Variants in DPH6 observed in about 807,000 individuals in gnomAD.
DPH6 encodes the protein diphthamine biosynthesis 6.
Under a neutral mutation model 38.2 loss-of-function variants are expected in DPH6, and 33 were observed. The ratio of observed to expected loss-of-function variants is 0.86; its 90% CI spans 0.65 to 1.15. The LOEUF is 1.15. DPH6 is among the 50% of genes most tolerant of loss of function. DPH6 has a pLI of 0.00. For synonymous variants in DPH6, 108 were observed against 103.0 expected (o/e 1.05, Z -0.30); for missense variants, 325 against 320.0 (o/e 1.02, Z -0.12).
At chr15:35,217,107 T>A (rs888041103), downstream of DPH6, among the ~76,000 whole-genome samples, 3 of 152,174 alleles carry the variant, frequency 2.0e-5, no homozygotes, top group African/African-American at 7.2e-5. Flanking sequence ...TAATGTTAAG[T>A]AGAGGAGGAC....
chr15:35,368,676 A>C (rs1050084877), downstream of DPH6, among the ~76,000 whole-genome samples: 1 of 151,926 alleles, frequency 6.6e-6, no homozygotes, highest in Non-Finnish European at 1.5e-5. Flanking sequence ...AAATGAGAGG[A>C]TAGCTTAAGA....
chr15:35,166,374 C>A, the DPH6 span, among the ~76,000 whole-genome samples: 2 of 151,918 alleles, frequency 1.3e-5, no homozygotes, highest in Non-Finnish European at 2.9e-5. Flanking sequence ...TCAGATATAA[C>A]CATTTCTTTG....
At chr15:35,447,927 T>C (rs962637028) in intron 5 of DPH6, among the ~76,000 whole-genome samples, 8 of 152,186 alleles carry the variant, frequency 5.3e-5, no homozygotes, top group African/African-American at 1.9e-4. Flanking sequence ...TTTCCTTTCA[T>C]AGTCAATGTT....
At chr15:35,457,929 G>C (rs902329086) in intron 3 of DPH6, among the ~76,000 whole-genome samples, 2 of 151,704 alleles carry the variant, frequency 1.3e-5, no homozygotes, top group African/African-American at 4.8e-5. Context: ...ATTATCAGTG[G>C]GGGATTGTTT....
chr15:35,520,273 C>T (rs1369376783), intron 3 of DPH6: 3 of 957,522 alleles, frequency 3.1e-6, no homozygotes, highest in Non-Finnish European at 3.7e-6. Context: ...GAAATCCTCG[C>T]CTATTTTAAG....
At chr15:35,404,178 C>G (rs546667524) in intron 6 of DPH6, among the ~76,000 whole-genome samples, 1 of 152,236 alleles carries the variant, frequency 6.6e-6, no homozygotes, top group East Asian at 1.9e-4. Context: ...AACAGTGTTG[C>G]AACAAACATG....
chr15:35,464,829 CAT>C lies in DPH6; in HGVS notation c.313-10011_313-10010del, dbSNP rs557574676. ...CACTAAAGTGTCAAGAACATACACACATGAGGATGGAAATGGACTTCTACTAT... is the reference window on the plus strand; with the variant it reads ...CACTAAAGTGTCAAGAACATACACACGAGGATGGAAATGGACTTCTACTAT... On this transcript the variant is annotated intron_variant, in intron 3 of 8. Coordinates refer to ENST00000256538, the MANE Select transcript of DPH6 (RefSeq NM_080650.4). Among the ~76,000 whole-genome samples, 760 of 152,300 alleles carry C rather than the reference CAT, an allele frequency of 5.0e-3. 8 individuals carry two copies. Among genetic ancestry groups the C allele is most frequent in the African/African-American group, 0.018 (731 of 41,576 alleles).
chr15:35,482,480 ATAG>A (rs992740018), intron 3 of DPH6, among the ~76,000 whole-genome samples: 2 of 152,202 alleles, frequency 1.3e-5, no homozygotes, highest in Non-Finnish European at 2.9e-5. Context: ...AATAATAAAA[ATAG>A]TAGTACTGAA....
chr15:35,440,740 G>C (rs1659014684), intron 5 of DPH6, among the ~76,000 whole-genome samples: 1 of 152,172 alleles, frequency 6.6e-6, no homozygotes, highest in African/African-American at 2.4e-5. Flanking sequence ...AGAATGGGGA[G>C]GAGCCACCAG....
chr15:35,248,689 G>A (rs183364959), intron 3 of DPH6, among the ~76,000 whole-genome samples: 13 of 152,284 alleles, frequency 8.5e-5, no homozygotes, highest in African/African-American at 1.9e-4. Flanking sequence ...TTGTCAGTCT[G>A]TCTTTATTGT....
rs117823246 is a variant in DPH6 at position 35,514,369 on chromosome 15, C to G, written c.312+23905G>C. On this transcript the variant is annotated intron_variant, in intron 3 of 8. Coordinates refer to ENST00000256538, the MANE Select transcript of DPH6 (RefSeq NM_080650.4). ...TGCTCAAGAACATCTGAAAACAAGT[C>G]CCTTGATATTAGCCTAAAATTAAAA... Among the ~76,000 whole-genome samples, 36 of 152,142 alleles carry G rather than the reference C, an allele frequency of 2.4e-4. No homozygotes were observed. In the East Asian group the frequency reaches 5.2e-3, roughly 22 times the overall value.
At chr15:35,348,027 C>A (rs2052477445) in intron 3 of DPH6, among the ~76,000 whole-genome samples, 1 of 151,956 alleles carries the variant, frequency 6.6e-6, no homozygotes, top group South Asian at 2.1e-4. Flanking sequence ...TATAGAAATT[C>A]TTGATATATT....
chr15:35,154,835 T>C, the DPH6 span, among the ~76,000 whole-genome samples: 1 of 152,060 alleles, frequency 6.6e-6, no homozygotes, highest in Non-Finnish European at 1.5e-5. Context: ...CCATAAGATA[T>C]CATGCAGAAA....
downstream of DPH6, among the ~76,000 whole-genome samples, chr15:35,216,480 T>C (rs2051411430): frequency 6.6e-6 from 1 of 152,232 alleles, no homozygotes. Context: ...TTAAAACTTA[T>C]TGCTTCTTAC....
chr15:35,449,922 G>A (rs1595375644), intron 5 of DPH6, among the ~76,000 whole-genome samples: 1 of 152,010 alleles, frequency 6.6e-6, no homozygotes, highest in African/African-American at 2.4e-5. Context: ...TCAGAGATCT[G>A]CAAGGTAAAC....
chr15:35,245,767 TAACTC>T (rs138439822), intron 3 of DPH6, among the ~76,000 whole-genome samples: 83,235 of 151,434 alleles, frequency 0.55, 26,400 homozygotes, highest in Non-Finnish European at 0.73. Context: ...GAAAATCTCT[TAACTC>T]AAGAGCATCC....
At chr15:35,522,071 G>A (rs1371092804) in intron 3 of DPH6, 1 of 1,609,184 alleles carries the variant, frequency 6.2e-7, no homozygotes, top group Non-Finnish European at 8.5e-7. Context: ...AAGGGTTGAG[G>A]GGAATCAGTA....
chr15:35,449,628 T>C (rs1346170662), intron 5 of DPH6, among the ~76,000 whole-genome samples: 2 of 150,968 alleles, frequency 1.3e-5, no homozygotes, highest in Non-Finnish European at 3.0e-5. Context: ...TAGAAATTCA[T>C]ATGACAAATA....
chr15:35,454,632 T>C (rs909370129), intron 4 of DPH6, 115 bp downstream of exon 4: 5 of 813,098 alleles, frequency 6.1e-6, no homozygotes, highest in Non-Finnish European at 5.8e-6. Flanking sequence ...TTTAGTTCCA[T>C]GGAGCACGTA....
Sources: allele counts gnomAD v4.1 joint callset (sites outside exome capture counted in the v4.1 genomes callset), GRCh38; gene constraint gnomAD v4.1.1; transcripts MANE v1.5; gene names NCBI Gene and HGNC (gene_info 2026-07-23, HGNC 2026-07-21).